Variants in ADAM19 observed in about 807,000 individuals in gnomAD.
The protein encoded by ADAM19 is ADAM metallopeptidase domain 19.
Under a neutral mutation model 114.7 loss-of-function variants are expected in ADAM19, and 65 were observed. That is an observed-to-expected ratio of 0.57 (90% CI 0.46 to 0.70). The LOEUF is 0.70. Ranked by LOEUF, ADAM19 falls within the 30% of genes least tolerant of loss-of-function variation. The pLI is 0.00. For synonymous variants in ADAM19, 466 were observed against 460.5 expected, an observed-to-expected ratio of 1.01 and a Z score of -0.15; for missense variants, 1,063 against 1,204.7, an observed-to-expected ratio of 0.88 and a Z score of 1.74.
chr5:157,481,537 C>G (rs1025367934), intron 22 of ADAM19: 1 of 1,389,344 alleles, frequency 7.2e-7, no homozygotes, highest in African/African-American at 1.4e-5. Context: ...CTCAGGGTCC[C>G]TCCCCAGGTC....
chr5:157,500,056 G>C (rs1437954477), intron 12 of ADAM19, among the ~76,000 whole-genome samples: 2 of 152,036 alleles, frequency 1.3e-5, no homozygotes, highest in African/African-American at 4.8e-5. Context: ...TGGGATTATA[G>C]GCATGAACCA....
chr5:157,516,424 G>A (rs373040442), intron 7 of ADAM19, among the ~76,000 whole-genome samples: 1 of 152,268 alleles, frequency 6.6e-6, no homozygotes, highest in East Asian at 1.9e-4. Context: ...TTCTCTGGAG[G>A]TGTGCTGTGA....
rs1161821093 is a variant in ADAM19 at position 157,478,211 on chromosome 5, A to C, written c.*2738T>G. On this transcript the variant is annotated 3_prime_UTR_variant, in exon 23 of 23. Transcript: ENST00000257527. The stretch of plus-strand genomic sequence containing the variant: ...TAACTCACTAACCCAAACTTGAGTT[A>C]AGCTTCCCTCCTCCCCACCAGACCC... 6.6e-6 allele frequency: 1 copy of C among 150,592 alleles called. No individual in the cohort carries two copies. The highest frequency in any genetic ancestry group is 6.6e-5 in the Admixed American group (1 of 15,162). The allele number at this position is 150,592 out of a possible 1,614,324, so 9.3% of individuals were successfully genotyped here. A position where few individuals can be genotyped will look rare whatever the true frequency, so the allele number is the denominator to read the frequency against.
chr5:157,560,548 T>G (rs1042909332), intron 3 of ADAM19, among the ~76,000 whole-genome samples: 2 of 152,246 alleles, frequency 1.3e-5, no homozygotes, highest in Non-Finnish European at 2.9e-5. Flanking sequence ...TATACTTTAT[T>G]AGAGCAGAAG....
chr5:157,572,676 C>T (rs1757863593), intron 1 of ADAM19, among the ~76,000 whole-genome samples: 1 of 152,200 alleles, frequency 6.6e-6, no homozygotes, highest in East Asian at 1.9e-4. Context: ...ATATATTTAT[C>T]AAATATTTTC....
intron 15 of ADAM19, among the ~76,000 whole-genome samples, chr5:157,494,462 G>T (rs752682408): frequency 6.6e-6 from 1 of 152,154 alleles, no homozygotes; most frequent in Non-Finnish European, 1.5e-5. Context: ...AAGGAAGCCC[G>T]ATCAGCTTTC....
Position 157,530,827 on chromosome 5 carries a change from G to A in ADAM19, c.387C>T (p.Leu129=). 1 of 1,614,184 alleles carries A rather than the reference G, an allele frequency of 6.2e-7. No homozygotes were observed. Among genetic ancestry groups the A allele is most frequent in the Non-Finnish European group, 8.5e-7 (1 of 1,180,020 alleles). Reference sequence around the variant, plus strand: ...CTTACCTAATTCCTCGGCAAGTGCTGAGCGTGACGCTGGACAGTTCTGTCT... The same window carrying A: ...CTTACCTAATTCCTCGGCAAGTGCTAAGCGTGACGCTGGACAGTTCTGTCT... The part of the protein sequence containing the change: ...VRETELSSVT[L]STCRGIRGLI... The change falls in exon 5 of 23, where the codon CTC becomes CTT. Residue 129 remains leucine, a synonymous_variant. Transcript: ENST00000257527.
At chr5:157,481,552 G>C (rs1268802945) in intron 22 of ADAM19, 1 of 1,449,024 alleles carries the variant, frequency 6.9e-7, no homozygotes, top group East Asian at 2.5e-5. Flanking sequence ...CAGGTCAGGT[G>C]CAGGGGCAGG....
At chr5:157,534,600 G>C (rs1426106714) in intron 4 of ADAM19, among the ~76,000 whole-genome samples, 1 of 152,180 alleles carries the variant, frequency 6.6e-6, no homozygotes, top group African/African-American at 2.4e-5. Flanking sequence ...TGAGGCTGCA[G>C]TGAGCTATGA....
chr5:157,498,535 C>A (rs1220193265), intron 13 of ADAM19, among the ~76,000 whole-genome samples: 1 of 152,192 alleles, frequency 6.6e-6, no homozygotes, highest in East Asian at 1.9e-4. Context: ...AACGAGCACT[C>A]AGCAAGTGCT....
chr5:157,571,954 T>C (rs953086644), intron 1 of ADAM19, among the ~76,000 whole-genome samples: 2 of 152,240 alleles, frequency 1.3e-5, no homozygotes, highest in African/African-American at 4.8e-5. Flanking sequence ...CATCACTGCA[T>C]CAAGTTACAT....
chr5:157,523,334 T>C (rs1203231234), intron 5 of ADAM19, among the ~76,000 whole-genome samples: 1 of 152,204 alleles, frequency 6.6e-6, no homozygotes, highest in Non-Finnish European at 1.5e-5. Flanking sequence ...GCTGTGGATA[T>C]GGTTTATTTG....
intron 5 of ADAM19, among the ~76,000 whole-genome samples, chr5:157,521,240 T>C (rs933429611): frequency 6.6e-6 from 1 of 152,126 alleles, no homozygotes; most frequent in East Asian, 1.9e-4. Flanking sequence ...CTGCCAACCT[T>C]GATACAATGA....
intron 2 of ADAM19, among the ~76,000 whole-genome samples, chr5:157,565,025 C>G (rs916253522): frequency 4.6e-5 from 7 of 152,118 alleles, no homozygotes; most frequent in African/African-American, 1.7e-4. Flanking sequence ...TTTTGGCTCT[C>G]CGTTTGGAAA....
chr5:157,500,965 C>T (rs1186519905), intron 12 of ADAM19, among the ~76,000 whole-genome samples: 2 of 152,170 alleles, frequency 1.3e-5, no homozygotes, highest in East Asian at 3.9e-4. Context: ...AGTAGCTGGC[C>T]GAGGGACACA....
At position 157,481,796 on chromosome 5, in the gene ADAM19, G is replaced by A. The variant is rs1473798978; in HGVS notation, c.2698C>T (p.Pro900Ser). Residue 900 changes from proline (P) to serine (S), a missense_variant, in exon 22 of 23, where the codon CCA (proline) becomes TCA (serine). By Grantham distance (74) the Pro-to-Ser change is moderately conservative. Around this residue, in one of 3 missense-constraint regions of ADAM19, gnomAD observed 424 missense variants for 445.5 expected, o/e 0.95. Coordinates refer to ENST00000257527, the MANE Select transcript of ADAM19 (RefSeq NM_033274.5). The part of the protein sequence containing the change: ...QQSRPLAALA[P>S]KFPEYRSQRA... ...AGGGCTTCCCGTGGACTCACCTTTGGGGCAAGTGCTGCCAGAGGCCGGGAC... is the reference window on the plus strand; with the variant it reads ...AGGGCTTCCCGTGGACTCACCTTTGAGGCAAGTGCTGCCAGAGGCCGGGAC... 4 of 1,572,404 alleles carry A rather than the reference G, an allele frequency of 2.5e-6. No homozygotes were observed. The highest frequency in any genetic ancestry group is 2.7e-5 in the African/African-American group (2 of 74,386).
At chr5:157,524,287 G>A (rs1257821647) in intron 5 of ADAM19, among the ~76,000 whole-genome samples, 1 of 152,230 alleles carries the variant, frequency 6.6e-6, no homozygotes, top group Non-Finnish European at 1.5e-5. Context: ...CATGAGCTGG[G>A]GCCCAGGAGG....
At chr5:157,563,063 C>T (rs973551453) in intron 3 of ADAM19, among the ~76,000 whole-genome samples, 7 of 152,074 alleles carry the variant, frequency 4.6e-5, no homozygotes, top group Admixed American at 3.9e-4. Context: ...CGGTCAAGAA[C>T]AAACCCTCTA....
intron 3 of ADAM19, among the ~76,000 whole-genome samples, chr5:157,561,494 C>T (rs775910007): frequency 6.6e-6 from 1 of 152,188 alleles, no homozygotes; most frequent in Non-Finnish European, 1.5e-5. Context: ...AGCCCTTGCT[C>T]ACCGCTCCTG....
Sources: gnomAD v4.1 joint callset for allele counts (sites outside exome capture counted in the v4.1 genomes callset) on GRCh38, gnomAD v4.1.1 for gene constraint, gnomAD v4.1.1 regional missense constraint, MANE v1.5 for transcripts, NCBI Gene and HGNC (gene_info 2026-07-23, HGNC 2026-07-21) for gene names.